SPINK2: variants seen among roughly 807,000 people sequenced by gnomAD.
The protein encoded by SPINK2 is serine peptidase inhibitor Kazal type 2, also known as serine protease inhibitor Kazal-type 2.
A neutral mutation model predicts 13.5 loss-of-function variants in SPINK2; 8 were observed. The observed-to-expected ratio is 0.59, with a 90% CI of 0.35 to 1.07. The LOEUF (loss-of-function observed/expected upper bound fraction) is 1.07. SPINK2 is among the 50% of genes least tolerant of loss of function. SPINK2 has a pLI of 0.02. For missense variants in SPINK2, 148 were observed against 180.3 expected (o/e 0.82, Z 1.03); for synonymous variants, 76 against 74.7 (o/e 1.02, Z -0.09).
At chr4:56,813,535 G>A (rs923975985) in intron 2 of SPINK2, among the ~76,000 whole-genome samples, 1 of 151,378 alleles carries the variant, frequency 6.6e-6, no homozygotes. Context: ...TGTCAGGTCA[G>A]CGATGGCATT....
intron 1 of SPINK2, 143 bp from the exon 2 acceptor site, chr4:56,820,722 A>G: frequency 1.6e-6 from 1 of 634,712 alleles, no homozygotes; most frequent in South Asian, 2.0e-5. Context: ...CTTCCTGCCT[A>G]GGCCTCCCAA....
At position 56,810,131 on chromosome 4, in the gene SPINK2, C is replaced by A. The variant is rs1475759447; in HGVS notation, c.*8G>T. 1 of 1,606,542 alleles carries A rather than the reference C, an allele frequency of 6.2e-7. No individual in the cohort carries two copies. Among genetic ancestry groups the A allele is most frequent in the Non-Finnish European group, 8.5e-7 (1 of 1,176,120 alleles). ...GTCTCTCCATCTTCTTTTCTGTAAA[C>A]TGCTCCATCAGCAGGGTCCATTTCG... is the stretch of plus-strand genomic sequence containing the variant. On this transcript the variant is annotated 3_prime_UTR_variant, in exon 4 of 4. Coordinates refer to ENST00000506738, the MANE Select transcript of SPINK2 (RefSeq NM_001271718.2).
chr4:56,818,175 A>G (rs1396594166), intron 2 of SPINK2: 2 of 152,252 alleles, frequency 1.3e-5, no homozygotes, highest in African/African-American at 2.4e-5. Flanking sequence ...GAAATAAGGA[A>G]GAAAAACCAA....
At position 56,810,063 on chromosome 4, in the gene SPINK2, G is replaced by A; in HGVS notation, c.*76C>T. 3 of 1,540,848 alleles carry A rather than the reference G, an allele frequency of 1.9e-6. 1 individual carries two copies. Among genetic ancestry groups the A allele is most frequent in the South Asian group, 2.5e-5 (2 of 80,806 alleles). On this transcript the variant is annotated 3_prime_UTR_variant, in exon 4 of 4. Coordinates refer to ENST00000506738, the MANE Select transcript of SPINK2 (RefSeq NM_001271718.2). ...TCATGTAAAGAAACACAGGAAAAGA[G>A]AAAAAGGGGAAATGCAATTTATCTA...
At chr4:56,810,902 A>G (rs145654026) in intron 3 of SPINK2, among the ~76,000 whole-genome samples, 1 of 152,244 alleles carries the variant, frequency 6.6e-6, no homozygotes, top group African/African-American at 2.4e-5. Flanking sequence ...TACCTGAAGG[A>G]GCAGTGACAG....
chr4:56,820,433 T>G (rs1717836976), intron 2 of SPINK2, 103 bp downstream of exon 2: 1 of 854,200 alleles, frequency 1.2e-6, no homozygotes, highest in Admixed American at 2.0e-5. Context: ...CAGTCCTCAA[T>G]GGTTTCAAAA....
At chr4:56,815,061 G>T (rs1056399105) in intron 2 of SPINK2, among the ~76,000 whole-genome samples, 1 of 151,662 alleles carries the variant, frequency 6.6e-6, no homozygotes, top group East Asian at 1.9e-4. Context: ...CTCCAGCCTA[G>T]GGGACAAGGG....
At chr4:56,813,188 T>G (rs1430274669) in intron 2 of SPINK2, among the ~76,000 whole-genome samples, 2 of 151,938 alleles carry the variant, frequency 1.3e-5, no homozygotes, top group African/African-American at 4.8e-5. Context: ...CTGGGGGTGG[T>G]GGCGCATGCT....
chr4:56,815,668 C>T (rs1717377912), intron 2 of SPINK2, among the ~76,000 whole-genome samples: 1 of 151,910 alleles, frequency 6.6e-6, no homozygotes, highest in Non-Finnish European at 1.5e-5. Context: ...CCACTGCCCT[C>T]CAACCTGGTG....
intron 2 of SPINK2, among the ~76,000 whole-genome samples, chr4:56,819,614 CTTTCTTTTTT>C (rs1220905550): frequency 1.0e-5 from 1 of 96,058 alleles, no homozygotes; most frequent in Non-Finnish European, 2.0e-5. Context: ...ACTTTTTTTT[CTTTCTTTTTT>C]TTTTTTTTTG....
At chr4:56,811,936 T>A in intron 2 of SPINK2, 142 bp from the exon 3 acceptor site, 2 of 305,152 alleles carry the variant, frequency 6.6e-6, no homozygotes, top group Non-Finnish European at 1.2e-5. Context: ...AAAAATTTTT[T>A]CTTTTTTTTT....
At chr4:56,810,324 C>T (rs1360993482) in intron 3 of SPINK2, 140 bp from the exon 4 acceptor site, 2 of 771,330 alleles carry the variant, frequency 2.6e-6, no homozygotes, top group Non-Finnish European at 4.1e-6. Context: ...ATTTTTTAAG[C>T]TAAATCTAGG....
chr4:56,817,333 A>G (rs1353176183), intron 2 of SPINK2, among the ~76,000 whole-genome samples: 2 of 152,248 alleles, frequency 1.3e-5, no homozygotes, highest in Non-Finnish European at 1.5e-5. Context: ...TTCATGGATC[A>G]TAAGACTTAA....
At chr4:56,820,504 A>T in intron 2 of SPINK2, 32 bp downstream of exon 2, 2 of 1,577,144 alleles carry the variant, frequency 1.3e-6, no homozygotes, top group African/African-American at 1.3e-5. Context: ...TCACTGTATT[A>T]GTAGAAACAG....
Position 56,810,036 on chromosome 4 carries a change from T to C in SPINK2, c.*103A>G. The stretch of plus-strand genomic sequence containing the variant: ...CTCTCAGAAAATGTGTGTTAACAAA[T>C]CTCATGTAAAGAAACACAGGAAAAG... On this transcript the variant is annotated 3_prime_UTR_variant, in exon 4 of 4. Coordinates refer to ENST00000506738, the MANE Select transcript of SPINK2 (RefSeq NM_001271718.2). 1.3e-6 allele frequency: 2 copies of C among 1,534,314 alleles called. No individual in the cohort carries two copies. The highest frequency in any genetic ancestry group is 1.7e-6 in the Non-Finnish European group (2 of 1,143,494).
intron 2 of SPINK2, among the ~76,000 whole-genome samples, chr4:56,819,048 T>C (rs1717703277): frequency 6.6e-6 from 1 of 152,168 alleles, no homozygotes; most frequent in African/African-American, 2.4e-5. Flanking sequence ...CACTTCCATG[T>C]GACCTTGGCC....
intron 2 of SPINK2, chr4:56,818,140 G>C (rs957384522): frequency 6.6e-6 from 1 of 152,264 alleles, no homozygotes; most frequent in Admixed American, 6.5e-5. Context: ...GATAATGGGC[G>C]TCCTAAATTA....
intron 2 of SPINK2, among the ~76,000 whole-genome samples, chr4:56,817,599 C>T (rs1319874867): frequency 6.7e-6 from 1 of 149,774 alleles, no homozygotes; most frequent in African/African-American, 2.5e-5. Flanking sequence ...GCTTGTAATC[C>T]CAGCACTTTG....
chr4:56,812,935 G>C (rs1717119271), intron 2 of SPINK2, among the ~76,000 whole-genome samples: 1 of 152,228 alleles, frequency 6.6e-6, no homozygotes, highest in Non-Finnish European at 1.5e-5. Context: ...TACAGGAAGA[G>C]AGTTCAATCT....
Sources: gnomAD v4.1 joint callset for allele counts (sites outside exome capture counted in the v4.1 genomes callset) on GRCh38, gnomAD v4.1.1 for gene constraint, MANE v1.5 for transcripts, NCBI Gene and HGNC (gene_info 2026-07-23, HGNC 2026-07-21) for gene names.